SNX29: variants seen among roughly 807,000 people sequenced by gnomAD.
SNX29 encodes the protein sorting nexin 29, also known as sorting nexin-29.
Under a neutral mutation model 102.1 loss-of-function variants are expected in SNX29, and 78 were observed. The observed-to-expected ratio is 0.76, with a 90% confidence interval of 0.64 to 0.92. The LOEUF is 0.92. SNX29 is among the 40% of genes least tolerant of loss of function. The probability of loss-of-function intolerance (pLI) is 0.00; values close to 1 mark genes in which losing one functional copy is unlikely to be tolerated. For missense variants in SNX29, 1,280 were observed against 1,061.7 expected (o/e 1.21, Z -2.86); for synonymous variants, 580 against 414.5 (o/e 1.40, Z -4.85).
At chr16:12,453,792 G>A (rs1307709635) in intron 18 of SNX29, among the ~76,000 whole-genome samples, 2 of 152,126 alleles carry the variant, frequency 1.3e-5, no homozygotes, top group African/African-American at 2.4e-5. Flanking sequence ...CTTTTCAGCT[G>A]TATTTGTTTG....
intron 20 of SNX29, among the ~76,000 whole-genome samples, chr16:12,565,368 G>A (rs1380858186): frequency 6.6e-6 from 1 of 152,138 alleles, no homozygotes; most frequent in Non-Finnish European, 1.5e-5. Context: ...GAAGCCCCTG[G>A]TCTAGCCAGA....
chr16:12,549,669 C>G (rs1485005045), intron 20 of SNX29, among the ~76,000 whole-genome samples: 11 of 152,230 alleles, frequency 7.2e-5, no homozygotes, highest in Admixed American at 7.2e-4. Context: ...GAGGCAGTCC[C>G]AAGGCCCGGC....
chr16:11,985,909 T>G (rs2055603961), intron 1 of SNX29, among the ~76,000 whole-genome samples: 1 of 151,320 alleles, frequency 6.6e-6, no homozygotes, highest in African/African-American at 2.4e-5. Flanking sequence ...CTTGGCTCAC[T>G]GCAACCTCTG....
intron 12 of SNX29, among the ~76,000 whole-genome samples, chr16:12,127,199 C>T (rs989218516): frequency 3.3e-5 from 5 of 149,436 alleles, no homozygotes; most frequent in Non-Finnish European, 5.9e-5. Flanking sequence ...GCGGAGGTTG[C>T]AGTGAGCCGA....
chr16:12,095,557 G>T (rs2052732348), intron 11 of SNX29, among the ~76,000 whole-genome samples: 1 of 152,184 alleles, frequency 6.6e-6, no homozygotes, highest in African/African-American at 2.4e-5. Flanking sequence ...CATCAGTATA[G>T]CACAGTCATG....
chr16:11,995,803 T>G (rs2056048999), intron 1 of SNX29, among the ~76,000 whole-genome samples: 1 of 152,154 alleles, frequency 6.6e-6, no homozygotes, highest in African/African-American at 2.4e-5. Flanking sequence ...GGCTCACACC[T>G]GTAATCCCAG....
chr16:12,015,846 T>G (rs1045282999), intron 3 of SNX29, among the ~76,000 whole-genome samples: 4 of 150,754 alleles, frequency 2.7e-5, no homozygotes, highest in African/African-American at 9.8e-5. Context: ...CTCCAAGTTA[T>G]AGTTCTAATG....
chr16:12,095,977 A>G (rs2052750530), intron 11 of SNX29, among the ~76,000 whole-genome samples: 1 of 152,216 alleles, frequency 6.6e-6, no homozygotes, highest in African/African-American at 2.4e-5. Flanking sequence ...CAGCTCCAGA[A>G]ATGAAGTTGA....
chr16:12,246,476 C>T (rs958630099), intron 14 of SNX29, among the ~76,000 whole-genome samples: 1 of 152,008 alleles, frequency 6.6e-6, no homozygotes, highest in African/African-American at 2.4e-5. Context: ...CCCCATCTCT[C>T]TTAAAAATAC....
intron 18 of SNX29, among the ~76,000 whole-genome samples, chr16:12,413,721 G>A (rs764704621): frequency 6.6e-6 from 1 of 152,196 alleles, no homozygotes; most frequent in Non-Finnish European, 1.5e-5. Flanking sequence ...ATACGCAGGC[G>A]CTGGACGATC....
chr16:12,341,478 G>T (rs796485471), intron 15 of SNX29, among the ~76,000 whole-genome samples: 1 of 152,226 alleles, frequency 6.6e-6, no homozygotes, highest in East Asian at 1.9e-4. Flanking sequence ...GAATAGGATT[G>T]GTTCTGCCAC....
chr16:12,241,502 C>G (rs1021914703), intron 14 of SNX29, among the ~76,000 whole-genome samples: 2 of 151,918 alleles, frequency 1.3e-5, no homozygotes, highest in Non-Finnish European at 2.9e-5. Flanking sequence ...CTCTGTTGCC[C>G]AGGCTGGAGT....
At chr16:12,106,472 G>A (rs2053247915) in intron 11 of SNX29, among the ~76,000 whole-genome samples, 1 of 151,844 alleles carries the variant, frequency 6.6e-6, no homozygotes, top group African/African-American at 2.4e-5. Flanking sequence ...CTCCTTTTCT[G>A]CTGCTGCTTG....
chr16:12,155,052 T>C (rs9924047), intron 13 of SNX29, among the ~76,000 whole-genome samples: 3,126 of 152,204 alleles, frequency 0.021, 119 homozygotes, highest in African/African-American at 0.072. Context: ...TCATTCTGCC[T>C]CCCACCCCCC....
chr16:12,569,639 CAG>C lies in SNX29; in HGVS notation c.*1013_*1014del, dbSNP rs2079143348. 3 of 38,708 alleles carry C rather than the reference CAG, an allele frequency of 7.8e-5. No individual in the cohort carries two copies. Among genetic ancestry groups the C allele is most frequent in the Non-Finnish European group, 1.7e-4 (3 of 17,548 alleles). 2.4% of individuals were successfully genotyped at this position (38,708 alleles called of 1,614,324 possible). A position where few individuals can be genotyped will look rare whatever the true frequency, so the allele number is the denominator to read the frequency against. ...TAACAGAACTCTGCATCCCCTAAGA[CAG>C]AGTCCTCTGTTCCTCCCATGTCAGG... On this transcript the variant is annotated 3_prime_UTR_variant, in exon 21 of 21. Transcript: ENST00000566228.
chr16:12,175,826 G>A (rs967197946), intron 13 of SNX29, among the ~76,000 whole-genome samples: 1 of 151,878 alleles, frequency 6.6e-6, no homozygotes, highest in African/African-American at 2.4e-5. Flanking sequence ...GGGACACATA[G>A]GAAGACCATG....
intron 13 of SNX29, among the ~76,000 whole-genome samples, chr16:12,169,446 G>C (rs1009291168): frequency 2.0e-5 from 3 of 152,206 alleles, no homozygotes; most frequent in Non-Finnish European, 4.4e-5. Context: ...GCACGGACTT[G>C]GCTGGAGGGC....
At chr16:12,361,744 G>T (rs1186393157) in intron 16 of SNX29, among the ~76,000 whole-genome samples, 2 of 150,892 alleles carry the variant, frequency 1.3e-5, no homozygotes, top group South Asian at 2.1e-4. Flanking sequence ...TAATATTTTT[G>T]CTTTTAACAG....
chr16:12,532,771 A>T (rs566005336), intron 20 of SNX29, among the ~76,000 whole-genome samples: 1 of 152,182 alleles, frequency 6.6e-6, no homozygotes. Flanking sequence ...AGGAGCCTGG[A>T]GTCCATGGGG....
Sources: gnomAD v4.1 joint callset for allele counts (sites outside exome capture counted in the v4.1 genomes callset) on GRCh38, gnomAD v4.1.1 for gene constraint, MANE v1.5 for transcripts, NCBI Gene and HGNC (gene_info 2026-07-23, HGNC 2026-07-21) for gene names.